Variants in CNTRL observed in about 807,000 individuals in gnomAD.
CNTRL encodes centriolin.
Under a neutral mutation model 303.7 loss-of-function variants are expected in CNTRL, and 233 were observed. That is an observed-to-expected ratio of 0.77 (90% CI 0.69 to 0.86). The LOEUF (loss-of-function observed/expected upper bound fraction) is 0.86. Ranked by LOEUF, CNTRL falls within the 40% of genes least tolerant of loss-of-function variation. The probability of loss-of-function intolerance (pLI) is 0.00; values close to 1 mark genes in which losing one functional copy is unlikely to be tolerated. For missense variants in CNTRL, 2,524 were observed against 2,650.6 expected (o/e 0.95, Z 1.05); for synonymous variants, 900 against 922.2 (o/e 0.98, Z 0.44).
intron 7 of CNTRL, among the ~76,000 whole-genome samples, chr9:121,101,828 A>G (rs1343921854): frequency 6.6e-6 from 1 of 152,232 alleles, no homozygotes; most frequent in East Asian, 1.9e-4. Flanking sequence ...CTGGACACAT[A>G]CACCCTCCCA....
chr9:121,110,204 C>A (rs550116560), intron 8 of CNTRL, among the ~76,000 whole-genome samples: 1 of 152,062 alleles, frequency 6.6e-6, no homozygotes, highest in African/African-American at 2.4e-5. Context: ...ACTCTTTGTC[C>A]TTTTGCAAAT....
chr9:121,174,961 C>A, intron 42 of CNTRL, 57 bp from the exon 43 acceptor site: 1 of 1,469,502 alleles, frequency 6.8e-7, no homozygotes, highest in East Asian at 2.3e-5. Context: ...GGAAGCTGAG[C>A]GGCAGTTCTG....
At chr9:121,086,313 G>A (rs978199857) in intron 2 of CNTRL, among the ~76,000 whole-genome samples, 1 of 152,164 alleles carries the variant, frequency 6.6e-6, no homozygotes, top group East Asian at 1.9e-4. Flanking sequence ...ACATAAATGT[G>A]TAATTTCAAA....
chr9:121,166,024 C>A (rs1431218538), intron 35 of CNTRL, 83 bp from the exon 36 acceptor site: 3 of 1,032,538 alleles, frequency 2.9e-6, no homozygotes, highest in African/African-American at 3.3e-5. Flanking sequence ...AAAACAACTT[C>A]TCTACTTTTT....
intron 7 of CNTRL, among the ~76,000 whole-genome samples, chr9:121,101,944 G>A (rs780243321): frequency 1.7e-4 from 26 of 152,096 alleles, no homozygotes; most frequent in East Asian, 3.8e-4. Flanking sequence ...AGGATCAGAC[G>A]GAGTCACAGC....
intron 31 of CNTRL, among the ~76,000 whole-genome samples, chr9:121,159,505 G>A (rs761680001): frequency 3.9e-5 from 6 of 152,038 alleles, no homozygotes; most frequent in Non-Finnish European, 5.9e-5. Context: ...GGTGGCATGC[G>A]CCTGTAATCC....
At chr9:121,175,912 C>T (rs1431095425) in intron 43 of CNTRL, among the ~76,000 whole-genome samples, 1 of 152,160 alleles carries the variant, frequency 6.6e-6, no homozygotes, top group East Asian at 1.9e-4. Context: ...TTGTAACTTA[C>T]ATTTACAGAG....
intron 14 of CNTRL, among the ~76,000 whole-genome samples, chr9:121,129,708 G>T (rs1210502224): frequency 6.6e-6 from 1 of 152,140 alleles, no homozygotes; most frequent in Non-Finnish European, 1.5e-5. Context: ...TCCCTGTCTT[G>T]TGCCAGTTTT....
At chr9:121,107,154 C>G (rs1385853924) in intron 7 of CNTRL, among the ~76,000 whole-genome samples, 1 of 152,024 alleles carries the variant, frequency 6.6e-6, no homozygotes. Flanking sequence ...GGGCAGGCTT[C>G]TCAAAATTTT....
At chr9:121,122,028 A>C (rs10081760) in intron 12 of CNTRL, 2 of 605,132 alleles carry the variant, frequency 3.3e-6, no homozygotes, top group African/African-American at 4.0e-5. Flanking sequence ...TGTTTTTACA[A>C]TAACTCTTTT....
chr9:121,157,477 A>G lies in CNTRL; in HGVS notation c.4373A>G (p.Asn1458Ser), dbSNP rs1341751544. Residue 1458 changes from asparagine to serine, a missense_variant, in exon 28 of 44, where the codon AAT (asparagine) becomes AGT (serine). Physicochemically the swap from Asn to Ser is conservative, Grantham distance 46. Coordinates refer to ENST00000373855, the MANE Select transcript of CNTRL (RefSeq NM_007018.6). ...TGACAGTTTCTTTTCTAGACAAAAA[A>G]TGCTGTTGAAAAGTTCACTGATGCC... The part of the protein sequence containing the change: ...ELSCTKEKTK[N>S]AVEKFTDAKR... 1.9e-6 allele frequency: 3 copies of G among 1,613,332 alleles called. No homozygotes were observed. The highest frequency in any genetic ancestry group is 4.5e-5 in the East Asian group (2 of 44,864).
intron 16 of CNTRL, 27 bp from the exon 17 acceptor site, chr9:121,140,612 GAT>G (rs776375650): frequency 1.3e-6 from 2 of 1,586,650 alleles, no homozygotes. Context: ...GCATGTAATA[GAT>G]AATCCCTATT....
chr9:121,163,669 G>C (rs2052959380), intron 34 of CNTRL, among the ~76,000 whole-genome samples: 1 of 151,978 alleles, frequency 6.6e-6, no homozygotes, highest in Non-Finnish European at 1.5e-5. Context: ...TCAATAAGAA[G>C]ACAACCCAGT....
At chr9:121,157,917 G>A (rs1280765914) in intron 29 of CNTRL, 37 bp downstream of exon 29, 3 of 1,613,598 alleles carry the variant, frequency 1.9e-6, no homozygotes, top group Admixed American at 3.3e-5. Flanking sequence ...AGGGGTTTGT[G>A]CTGGAAGACA....
chr9:121,168,177 C>T lies in CNTRL; in HGVS notation c.5926C>T (p.His1976Tyr), dbSNP rs1188593299. 6.2e-7 allele frequency: 1 copy of T among 1,614,122 alleles called. No individual in the cohort carries two copies. The highest frequency in any genetic ancestry group is 8.5e-7 in the Non-Finnish European group (1 of 1,180,024). Residue 1976 changes from histidine (H) to tyrosine (Y), a missense_variant, in exon 38 of 44, where the codon CAC becomes TAC. Physicochemically the swap from His to Tyr is moderately conservative, Grantham distance 83. Transcript: ENST00000373855. The stretch of plus-strand genomic sequence containing the variant: ...TAAAGTGACACTGAAGGAGCAACAG[C>T]ACCAGCTGGAAAAGGAATTAACAGA... Reference protein sequence around the residue: ...TSKVTLKEQQHQLEKELTDQK... With the variant: ...TSKVTLKEQQYQLEKELTDQK...
intron 40 of CNTRL, among the ~76,000 whole-genome samples, chr9:121,172,222 A>AT (rs1397476592): frequency 2.0e-5 from 3 of 152,240 alleles, no homozygotes; most frequent in African/African-American, 4.8e-5. Context: ...GCCCTTAGTG[A>AT]TTTTGCCTTT....
At chr9:121,128,011 A>G (rs1347630836) in intron 14 of CNTRL, among the ~76,000 whole-genome samples, 1 of 152,054 alleles carries the variant, frequency 6.6e-6, no homozygotes, top group Non-Finnish European at 1.5e-5. Flanking sequence ...TCCATGGTTT[A>G]TATGTGCTGC....
chr9:121,167,783 G>GTGTC, intron 37 of CNTRL, 106 bp downstream of exon 37: 1 of 1,004,038 alleles, frequency 1.0e-6, no homozygotes, highest in Non-Finnish European at 1.5e-6. Flanking sequence ...ATGGGACTAT[G>GTGTC]TGTCCCTTAA....
intron 6 of CNTRL, among the ~76,000 whole-genome samples, chr9:121,098,064 A>G (rs1455607716): frequency 1.3e-5 from 2 of 152,246 alleles, no homozygotes; most frequent in Admixed American, 6.5e-5. Flanking sequence ...ATCCTGTTTC[A>G]TTCACTTACA....
Sources: allele counts gnomAD v4.1 joint callset (sites outside exome capture counted in the v4.1 genomes callset), GRCh38; gene constraint gnomAD v4.1.1; transcripts MANE v1.5; gene names NCBI Gene and HGNC (gene_info 2026-07-23, HGNC 2026-07-21).